Variants in PCDHA5 observed in about 807,000 individuals in gnomAD.
The protein encoded by PCDHA5 is protocadherin alpha 5.
PCDHA5 carries 43 observed loss-of-function variants against 61.6 expected under a neutral mutation model. The observed-to-expected ratio is 0.70, with a 90% CI of 0.55 to 0.90. The LOEUF is 0.90. PCDHA5 is among the 40% of genes least tolerant of loss of function. PCDHA5 has a pLI of 0.00. For missense variants in PCDHA5, 1,298 were observed against 1,222.7 expected, an observed-to-expected ratio of 1.06 and a Z score of -0.92; for synonymous variants, 627 against 543.9, an observed-to-expected ratio of 1.15 and a Z score of -2.13.
At chr5:140,949,219 C>T (rs543953096) in intron 1 of PCDHA5, among the ~76,000 whole-genome samples, 3 of 151,842 alleles carry the variant, frequency 2.0e-5, no homozygotes, top group African/African-American at 7.2e-5. Flanking sequence ...TCTGTTTAGA[C>T]TTGTTCTGTG....
rs1562273954 is a variant in PCDHA5 at position 140,823,659 on chromosome 5, C to T, written c.1884C>T (p.Gly628=). ...CGTTCCGCGTGGGGCTGTACACAGG[C>T]GAGATCAGCACAACACGCTCTCTGG... The part of the protein sequence containing the change: ...RIPFRVGLYT[G]EISTTRSLDE... The change falls in exon 1 of 4, where the codon GGC becomes GGT. Residue 628 remains glycine (G), a synonymous_variant. Transcript: ENST00000529859. 1 of 1,613,866 alleles carries T rather than the reference C, an allele frequency of 6.2e-7. No individual in the cohort carries two copies. The highest frequency in any genetic ancestry group is 8.5e-7 in the Non-Finnish European group (1 of 1,179,920).
At position 140,863,735 on chromosome 5, in the gene PCDHA5, C is replaced by T. The variant is rs189909313; in HGVS notation, c.2352+39608C>T. On this transcript the variant is annotated intron_variant, in intron 1 of 3. Transcript: ENST00000529859. ...TGGGGCCGGGTGCGGTAGCTCATGC[C>T]TATTTGTAATCCCGGCACTTTGGGA... The T allele has an allele frequency of 4.8e-3, 1,219 of 255,524 alleles. 5 individuals are homozygous for T. Among genetic ancestry groups the T allele is most frequent in the Non-Finnish European group, 6.2e-3 (808 of 129,746 alleles). The allele number at this position is 255,524 out of a possible 1,614,324, so 15.8% of individuals were successfully genotyped here. A position where few individuals can be genotyped will look rare whatever the true frequency, so the allele number is the denominator to read the frequency against.
intron 1 of PCDHA5, chr5:140,868,729 T>C (rs1467955446): frequency 5.1e-6 from 1 of 195,146 alleles, no homozygotes; most frequent in African/African-American, 2.3e-5. Flanking sequence ...TTGATGTTAA[T>C]CGAGAAATAC....
intron 1 of PCDHA5, among the ~76,000 whole-genome samples, chr5:140,976,317 G>A (rs1284415282): frequency 6.6e-6 from 1 of 152,212 alleles, no homozygotes; most frequent in Admixed American, 6.5e-5. Context: ...TTGGGAGGCC[G>A]AGGAGGGTGG....
chr5:140,938,215 G>C (rs1270663444), intron 1 of PCDHA5, among the ~76,000 whole-genome samples: 3 of 152,100 alleles, frequency 2.0e-5, no homozygotes, highest in Non-Finnish European at 4.4e-5. Context: ...CAAAGTGCTG[G>C]GATTACAGGC....
At chr5:140,848,643 C>T in intron 1 of PCDHA5, 1 of 1,593,248 alleles carries the variant, frequency 6.3e-7, no homozygotes, top group East Asian at 2.2e-5. Flanking sequence ...CCGCATCGCG[C>T]AGGACCTGGG....
chr5:140,824,019 G>C lies in PCDHA5; in HGVS notation c.2244G>C (p.Ser748=). The change falls in exon 1 of 4, where the codon TCG becomes TCC. Residue 748 remains serine, a synonymous_variant. Coordinates refer to ENST00000529859, the MANE Select transcript of PCDHA5 (RefSeq NM_018908.3). ...GCTCCAGCGCGGTGGGGAGCTGGTC[G>C]TACTCGCAGCAGAGGAGACAGAGGG... ...LLCSSAVGSW[S]YSQQRRQRVC... The C allele has an allele frequency of 6.2e-7, 1 of 1,614,082 alleles. No individual in the cohort carries two copies. The highest frequency in any genetic ancestry group is 8.5e-7 in the Non-Finnish European group (1 of 1,179,996).
At position 140,882,588 on chromosome 5, in the gene PCDHA5, A is replaced by G; in HGVS notation, c.2352+58461A>G. The G allele has an allele frequency of 1.2e-6, 2 of 1,614,186 alleles. No homozygotes were observed. Among genetic ancestry groups the G allele is most frequent in the African/African-American group, 1.3e-5 (1 of 75,040 alleles). ...AGCGCGGAGTGCAGCATCCACCTGG[A>G]GGTGATCGTGGACAGGCCTCTGCAG... On this transcript the variant is annotated intron_variant, in intron 1 of 3. Coordinates refer to ENST00000529859, the MANE Select transcript of PCDHA5 (RefSeq NM_018908.3).
chr5:141,011,745 A>G lies in PCDHA5; in HGVS notation c.*1808A>G, dbSNP rs1378591918. 3 of 153,762 alleles carry G rather than the reference A, an allele frequency of 2.0e-5. No individual in the cohort carries two copies. The highest frequency in any genetic ancestry group is 1.9e-4 in the East Asian group (1 of 5,196). 9.5% of individuals were successfully genotyped at this position (153,762 alleles called of 1,614,324 possible). ...GGGTGTGCAAGCACAAATTTTACCA[A>G]TCTGACCTCTTTGAAGTTGCAGAAT... On this transcript the variant is annotated 3_prime_UTR_variant, in exon 4 of 4. Coordinates refer to ENST00000529859, the MANE Select transcript of PCDHA5 (RefSeq NM_018908.3).
intron 3 of PCDHA5, among the ~76,000 whole-genome samples, chr5:140,992,394 G>A (rs1338899804): frequency 2.0e-5 from 3 of 152,170 alleles, no homozygotes; most frequent in African/African-American, 7.2e-5. Flanking sequence ...TCTGGACTTA[G>A]AGATATTGTT....
chr5:140,896,959 T>C (rs1486927062), intron 1 of PCDHA5, among the ~76,000 whole-genome samples: 1 of 152,204 alleles, frequency 6.6e-6, no homozygotes, highest in Non-Finnish European at 1.5e-5. Context: ...CCTTAAACAT[T>C]TATTCTTTGC....
intron 1 of PCDHA5, chr5:140,871,001 C>T (rs2052611705): frequency 1.9e-6 from 3 of 1,613,292 alleles, no homozygotes; most frequent in Admixed American, 1.7e-5. Flanking sequence ...ATAAGCACAA[C>T]GCGTGCCCTG....
rs538135807 is a variant in PCDHA5, at chr5:140,873,663, T to C, written c.2352+49536T>C. On this transcript the variant is annotated intron_variant, in intron 1 of 3. Transcript: ENST00000529859. ...GTGAGAACTACATAACACACTATTA[T>C]TATTTGTTTCTTTTTGAGATAGAGT... Among the ~76,000 whole-genome samples the C allele has an allele frequency of 3.3e-5, 5 of 152,342 alleles. No individual in the cohort carries two copies. In the South Asian group the frequency reaches 1.0e-3, roughly 32 times the overall value.
At chr5:141,002,468 C>G (rs369108082) in intron 3 of PCDHA5, among the ~76,000 whole-genome samples, 2 of 152,334 alleles carry the variant, frequency 1.3e-5, no homozygotes, top group Middle Eastern at 3.4e-3. Flanking sequence ...AACGCTTTAG[C>G]ATTTTCAAAG....
chr5:140,861,533 C>T (rs890249596), intron 1 of PCDHA5: 6 of 446,700 alleles, frequency 1.3e-5, no homozygotes, highest in South Asian at 7.2e-5. Context: ...TCTCGGAGTG[C>T]AGCATCCACC....
intron 1 of PCDHA5, chr5:140,843,675 T>A: frequency 6.3e-7 from 1 of 1,591,382 alleles, no homozygotes; most frequent in South Asian, 1.1e-5. Flanking sequence ...TCAGTTGATG[T>A]AGGCGAAGAG....
chr5:140,997,668 T>TGTGTG (rs2097778571), intron 3 of PCDHA5, among the ~76,000 whole-genome samples: 1 of 148,244 alleles, frequency 6.7e-6, no homozygotes, highest in African/African-American at 2.5e-5. Flanking sequence ...ATTATACAGC[T>TGTGTG]TGTGTGTGTG....
intron 1 of PCDHA5, among the ~76,000 whole-genome samples, chr5:140,880,113 C>T (rs957295411): frequency 4.6e-5 from 7 of 152,220 alleles, no homozygotes; most frequent in Admixed American, 3.3e-4. Context: ...GAAGGATAGA[C>T]AACAGGAAGC....
chr5:140,901,695 T>G (rs1554189992), intron 1 of PCDHA5, among the ~76,000 whole-genome samples: 1 of 152,216 alleles, frequency 6.6e-6, no homozygotes, highest in Non-Finnish European at 1.5e-5. Context: ...TATTTTGTAG[T>G]TCTATATACA....
Sources: allele counts gnomAD v4.1 joint callset (sites outside exome capture counted in the v4.1 genomes callset), GRCh38; gene constraint gnomAD v4.1.1; transcripts MANE v1.5; gene names NCBI Gene and HGNC (gene_info 2026-07-23, HGNC 2026-07-21).